EPHA6: variants seen among roughly 807,000 people sequenced by gnomAD.
The protein encoded by EPHA6 is ephrin type-A receptor 6.
EPHA6 carries 50 observed loss-of-function variants against 112.0 expected under a neutral mutation model. That is an observed-to-expected ratio of 0.45 (90% confidence interval 0.36 to 0.56). The LOEUF (loss-of-function observed/expected upper bound fraction) is 0.56, where lower values mean the gene tolerates loss of function less well. EPHA6 is among the 20% of genes least tolerant of loss of function. The pLI is 0.00. For missense variants in EPHA6, 1,280 were observed against 1,417.4 expected (o/e 0.90, Z 1.56); for synonymous variants, 529 against 490.7 (o/e 1.08, Z -1.03).
intron 3 of EPHA6, among the ~76,000 whole-genome samples, chr3:97,064,153 G>A (rs2046109029): frequency 6.6e-6 from 1 of 152,146 alleles, no homozygotes; most frequent in East Asian, 1.9e-4. Flanking sequence ...CTAAATCTAA[G>A]GAAGAAAACT....
At chr3:97,478,912 C>A (rs1485739306) in intron 8 of EPHA6, among the ~76,000 whole-genome samples, 1 of 152,124 alleles carries the variant, frequency 6.6e-6, no homozygotes, top group Non-Finnish European at 1.5e-5. Context: ...CTGAACCATC[C>A]TGCTGTTTAG....
chr3:96,911,730 A>T (rs576675525), intron 2 of EPHA6, among the ~76,000 whole-genome samples: 2 of 152,168 alleles, frequency 1.3e-5, no homozygotes, highest in African/African-American at 4.8e-5. Context: ...ATACTTTGTC[A>T]TTTAAATTAA....
chr3:97,640,390 T>G (rs1055367396), intron 14 of EPHA6, among the ~76,000 whole-genome samples: 1 of 152,034 alleles, frequency 6.6e-6, no homozygotes, highest in African/African-American at 2.4e-5. Flanking sequence ...TCCAAGAAAT[T>G]TGAAGGTTTT....
At chr3:97,430,404 G>A (rs557701739) in intron 6 of EPHA6, among the ~76,000 whole-genome samples, 96 of 152,080 alleles carry the variant, frequency 6.3e-4, no homozygotes, top group Non-Finnish European at 8.2e-4. Flanking sequence ...TCCAAGGTCA[G>A]CAACTAAAAT....
intron 2 of EPHA6, among the ~76,000 whole-genome samples, chr3:96,881,205 T>C (rs2037292394): frequency 6.6e-6 from 1 of 152,138 alleles, no homozygotes; most frequent in South Asian, 2.1e-4. Context: ...TTGGTTATTC[T>C]TTTTTTAATG....
chr3:97,218,270 T>TA (rs113002813), intron 3 of EPHA6, among the ~76,000 whole-genome samples: 1,643 of 145,536 alleles, frequency 0.011, 21 homozygotes, highest in African/African-American at 0.028. Context: ...GACCCTATCT[T>TA]AAAAAAAAAA....
chr3:97,361,673 C>T (rs150653174), intron 5 of EPHA6, among the ~76,000 whole-genome samples: 1,582 of 152,102 alleles, frequency 0.01, 12 homozygotes, highest in Non-Finnish European at 0.015. Flanking sequence ...TTATAAAGCC[C>T]CAGTCCCATG....
intron 14 of EPHA6, among the ~76,000 whole-genome samples, chr3:97,712,602 A>T (rs1159658311): frequency 6.6e-6 from 1 of 152,174 alleles, no homozygotes; most frequent in Non-Finnish European, 1.5e-5. Flanking sequence ...TGAAATAGAA[A>T]ATCCACTTTT....
intron 10 of EPHA6, among the ~76,000 whole-genome samples, chr3:97,508,809 CTAAGAACT>C (rs1365483014): frequency 6.6e-6 from 1 of 152,066 alleles, no homozygotes; most frequent in East Asian, 1.9e-4. Flanking sequence ...TCGTAGGTCT[CTAAGAACT>C]TGTTTTATGA....
chr3:97,575,146 C>T (rs1204290434), intron 11 of EPHA6, among the ~76,000 whole-genome samples: 1 of 152,038 alleles, frequency 6.6e-6, no homozygotes, highest in Non-Finnish European at 1.5e-5. Context: ...TTGTCATTTA[C>T]TCTTGATAAT....
intron 3 of EPHA6, among the ~76,000 whole-genome samples, chr3:97,143,888 A>G (rs1576565383): frequency 1.3e-5 from 2 of 151,820 alleles, no homozygotes; most frequent in East Asian, 3.9e-4. Flanking sequence ...GTATTCAGGG[A>G]GGTAAAATAA....
intron 3 of EPHA6, among the ~76,000 whole-genome samples, chr3:97,186,004 T>C (rs2077120271): frequency 7.0e-6 from 1 of 142,024 alleles, no homozygotes; most frequent in African/African-American, 2.6e-5. Flanking sequence ...TAGGTGGGAA[T>C]TGAACAATGA....
chr3:97,261,574 G>T (rs1219221182), intron 5 of EPHA6, among the ~76,000 whole-genome samples: 2 of 152,018 alleles, frequency 1.3e-5, no homozygotes, highest in African/African-American at 4.8e-5. Flanking sequence ...GGCTCCTATT[G>T]TCTTTAGACA....
At chr3:97,498,251 C>G (rs985699994) in intron 10 of EPHA6, among the ~76,000 whole-genome samples, 3 of 150,446 alleles carry the variant, frequency 2.0e-5, no homozygotes, top group African/African-American at 7.4e-5. Context: ...AGAGCTCTGC[C>G]TAGTGAGAAG....
chr3:97,432,113 C>T (rs920926582), intron 6 of EPHA6, among the ~76,000 whole-genome samples: 5 of 152,004 alleles, frequency 3.3e-5, no homozygotes, highest in Non-Finnish European at 7.4e-5. Flanking sequence ...ATCTCAACTG[C>T]CACTTAATTA....
chr3:97,140,910 A>G (rs2075883783), intron 3 of EPHA6, among the ~76,000 whole-genome samples: 1 of 152,110 alleles, frequency 6.6e-6, no homozygotes, highest in African/African-American at 2.4e-5. Context: ...ATAAGATCCA[A>G]TCATTTGCTG....
chr3:97,663,324 TC>T (rs2094182290), intron 14 of EPHA6, among the ~76,000 whole-genome samples: 1 of 152,016 alleles, frequency 6.6e-6, no homozygotes, highest in African/African-American at 2.4e-5. Context: ...CCTTTTTTTT[TC>T]TTTTTTTATA....
chr3:97,398,042 A>G (rs1194447546), intron 5 of EPHA6, among the ~76,000 whole-genome samples: 2 of 151,464 alleles, frequency 1.3e-5, no homozygotes, highest in Non-Finnish European at 3.0e-5. Flanking sequence ...GGTGATGTAG[A>G]TGTACTATTA....
rs1011776775 is a variant in EPHA6 at position 96,910,326 on chromosome 3, A to T, written c.450+43437A>T. ...ACCACTTCCTAACAACCTAACCACAACTATGTTAGTCCTTGCCTGGCAGTT... is the reference window on the plus strand; with the variant it reads ...ACCACTTCCTAACAACCTAACCACATCTATGTTAGTCCTTGCCTGGCAGTT... On this transcript the variant is annotated intron_variant, in intron 2 of 17. Transcript: ENST00000389672. Among the ~76,000 whole-genome samples the T allele has an allele frequency of 7.9e-5, 12 of 152,010 alleles. No homozygotes were observed. In the Middle Eastern group the frequency reaches 0.01, roughly 129 times the overall value.
Sources: allele counts gnomAD v4.1 joint callset (sites outside exome capture counted in the v4.1 genomes callset), GRCh38; gene constraint gnomAD v4.1.1; transcripts MANE v1.5; gene names NCBI Gene and HGNC (gene_info 2026-07-23, HGNC 2026-07-21).